Variants in FBXO36 observed in about 807,000 individuals in gnomAD.
FBXO36 encodes the protein F-box only protein 36.
FBXO36 carries 18 observed loss-of-function variants against 17.0 expected under a neutral mutation model. That is an observed-to-expected ratio of 1.06 (90% CI 0.73 to 1.57). FBXO36 has a LOEUF of 1.57. FBXO36 is among the 40% of genes most tolerant of loss of function. The pLI is 0.00. For missense variants in FBXO36, 229 were observed against 221.9 expected (o/e 1.03, Z -0.20); for synonymous variants, 83 against 85.3 (o/e 0.97, Z 0.15).
intron 1 of FBXO36, among the ~76,000 whole-genome samples, chr2:229,956,920 T>C (rs944907520): frequency 7.9e-5 from 12 of 152,138 alleles, no homozygotes; most frequent in Non-Finnish European, 1.8e-4. Flanking sequence ...CCCAGTCCTA[T>C]TGAATTAGGA....
At chr2:229,964,443 T>C (rs1368875348) in intron 1 of FBXO36, among the ~76,000 whole-genome samples, 1 of 152,258 alleles carries the variant, frequency 6.6e-6, no homozygotes, top group African/African-American at 2.4e-5. Flanking sequence ...GTATGGAACA[T>C]AGCATTTTCT....
intron 1 of FBXO36, among the ~76,000 whole-genome samples, chr2:229,933,248 C>A (rs1195485834): frequency 6.6e-6 from 1 of 151,916 alleles, no homozygotes; most frequent in Non-Finnish European, 1.5e-5. Context: ...ATTAGCCAGG[C>A]GTGGCGGTAG....
At chr2:229,948,321 T>G (rs1217279798) in intron 1 of FBXO36, among the ~76,000 whole-genome samples, 5 of 152,160 alleles carry the variant, frequency 3.3e-5, no homozygotes, top group Non-Finnish European at 5.9e-5. Flanking sequence ...AGTAACGAAT[T>G]GCTTTTAGAG....
At chr2:230,010,018 T>C in intron 3 of FBXO36, among the ~76,000 whole-genome samples, 1 of 151,722 alleles carries the variant, frequency 6.6e-6, no homozygotes, top group South Asian at 2.1e-4. Context: ...TCCCAGCACT[T>C]TGGGAGGCCA....
chr2:229,935,601 A>G (rs2076959846), intron 1 of FBXO36, among the ~76,000 whole-genome samples: 1 of 152,108 alleles, frequency 6.6e-6, no homozygotes, highest in South Asian at 2.1e-4. Flanking sequence ...TTTTTTCTGA[A>G]TTTGGTATTT....
intron 1 of FBXO36, among the ~76,000 whole-genome samples, chr2:229,949,032 A>G (rs949347776): frequency 1.3e-5 from 2 of 152,010 alleles, no homozygotes; most frequent in Non-Finnish European, 2.9e-5. Context: ...ACGGGGTTTC[A>G]CCATATTGGC....
At chr2:230,006,793 C>A (rs1047926898) in intron 3 of FBXO36, among the ~76,000 whole-genome samples, 1 of 152,162 alleles carries the variant, frequency 6.6e-6, no homozygotes, top group Non-Finnish European at 1.5e-5. Flanking sequence ...AAGGCTCCCA[C>A]GGCCAGACCT....
chr2:229,986,205 T>TA (rs1406571147), intron 2 of FBXO36, among the ~76,000 whole-genome samples: 2 of 152,170 alleles, frequency 1.3e-5, no homozygotes, highest in African/African-American at 4.8e-5. Context: ...ATGTTATATA[T>TA]TAACACAAAA....
At chr2:229,938,904 C>T (rs1048705039) in intron 1 of FBXO36, among the ~76,000 whole-genome samples, 2 of 149,036 alleles carry the variant, frequency 1.3e-5, no homozygotes, top group African/African-American at 5.0e-5. Flanking sequence ...GGATTACAGG[C>T]ACCCGCCATC....
At chr2:229,950,215 CAG>C (rs1434103281) in intron 1 of FBXO36, among the ~76,000 whole-genome samples, 2 of 152,066 alleles carry the variant, frequency 1.3e-5, no homozygotes, top group African/African-American at 4.8e-5. Flanking sequence ...ATCACGAGGT[CAG>C]GGGTTCGAGA....
At chr2:229,968,801 T>C (rs1227297304) in intron 1 of FBXO36, among the ~76,000 whole-genome samples, 1 of 151,626 alleles carries the variant, frequency 6.6e-6, no homozygotes, top group Non-Finnish European at 1.5e-5. Flanking sequence ...TGAAATGGAG[T>C]CTTGTTCTGT....
chr2:229,947,661 T>A (rs1227206437), intron 1 of FBXO36, among the ~76,000 whole-genome samples: 2 of 152,150 alleles, frequency 1.3e-5, no homozygotes, highest in African/African-American at 4.8e-5. Flanking sequence ...GAATGTCAAG[T>A]TATATTAAGG....
intron 1 of FBXO36, among the ~76,000 whole-genome samples, chr2:229,960,209 G>A (rs112318678): frequency 3.2e-4 from 48 of 151,766 alleles, no homozygotes; most frequent in African/African-American, 8.9e-4. Context: ...ATGGGGTCTC[G>A]CTCTGTCATC....
chr2:230,008,827 CTTGAAGGACTG>C (rs1427673692), intron 3 of FBXO36, among the ~76,000 whole-genome samples: 8 of 152,182 alleles, frequency 5.3e-5, no homozygotes, highest in Admixed American at 6.5e-5. Flanking sequence ...GGAACTAAAC[CTTGAAGGACTG>C]TTGAAGGAGA....
chr2:229,954,260 T>TTTTTTTTTG, intron 1 of FBXO36, among the ~76,000 whole-genome samples: 1 of 124,864 alleles, frequency 8.0e-6, no homozygotes, highest in Non-Finnish European at 1.7e-5. Flanking sequence ...TTTTTTTTTT[T>TTTTTTTTTG]GAGACAGAGT....
chr2:229,962,780 C>T (rs1383175151), intron 1 of FBXO36, among the ~76,000 whole-genome samples: 1 of 151,616 alleles, frequency 6.6e-6, no homozygotes, highest in African/African-American at 2.4e-5. Context: ...TGGGTTCAAG[C>T]GATTCTCCTG....
intron 1 of FBXO36, among the ~76,000 whole-genome samples, chr2:229,948,136 A>G (rs1191165614): frequency 3.4e-5 from 5 of 148,924 alleles, no homozygotes; most frequent in Admixed American, 3.4e-4. Context: ...TTTCTCTACA[A>G]AAAAAAAAAA....
chr2:229,966,149 C>CT (rs2106186427), intron 1 of FBXO36, among the ~76,000 whole-genome samples: 1 of 152,238 alleles, frequency 6.6e-6, no homozygotes, highest in Admixed American at 6.6e-5. Context: ...GCATTTTTTC[C>CT]TGTGTCTGTT....
chr2:229,957,375 G>A (rs922195563), intron 1 of FBXO36, among the ~76,000 whole-genome samples: 1 of 152,186 alleles, frequency 6.6e-6, no homozygotes, highest in Non-Finnish European at 1.5e-5. Flanking sequence ...TCGGTAGTTT[G>A]AGACTAGCCT....
Sources: gnomAD v4.1 joint callset for allele counts (sites outside exome capture counted in the v4.1 genomes callset) on GRCh38, gnomAD v4.1.1 for gene constraint, MANE v1.5 for transcripts, NCBI Gene and HGNC (gene_info 2026-07-23, HGNC 2026-07-21) for gene names.